The following PRKG1 variants were observed in gnomAD, a reference collection of about 807,000 sequenced individuals.
PRKG1 encodes cGMP-dependent protein kinase 1.
Under a neutral mutation model 88.1 loss-of-function variants are expected in PRKG1, and 35 were observed. The observed-to-expected ratio is 0.40, with a 90% CI of 0.30 to 0.53. PRKG1 has a LOEUF of 0.53. Among genes scored for constraint, PRKG1 ranks in the 20% least tolerant of loss-of-function variants. The pLI is 0.59. For synonymous variants in PRKG1, 303 were observed against 292.5 expected (o/e 1.04, Z -0.37); for missense variants, 540 against 839.8 (o/e 0.64, Z 4.41).
intron 5 of PRKG1, among the ~76,000 whole-genome samples, chr10:51,988,571 T>C (rs952275675): frequency 6.6e-6 from 1 of 152,082 alleles, no homozygotes; most frequent in African/African-American, 2.4e-5. Context: ...GTTTGAGGTA[T>C]CATTGTTTAA....
chr10:51,937,109 G>GA (rs746488939), intron 5 of PRKG1, among the ~76,000 whole-genome samples: 1 of 151,886 alleles, frequency 6.6e-6, no homozygotes, highest in Non-Finnish European at 1.5e-5. Context: ...GAAAATTACA[G>GA]AAACAAAGAT....
At chr10:51,085,400 A>G (rs745926210) in intron 1 of PRKG1, among the ~76,000 whole-genome samples, 2 of 152,174 alleles carry the variant, frequency 1.3e-5, no homozygotes, top group Non-Finnish European at 2.9e-5. Flanking sequence ...TGTGTTGACA[A>G]CTCATTATGT....
chr10:51,962,008 G>A (rs1843459336), intron 5 of PRKG1, among the ~76,000 whole-genome samples: 2 of 152,134 alleles, frequency 1.3e-5, no homozygotes, highest in East Asian at 1.9e-4. Flanking sequence ...AGAAATTGGG[G>A]TTTAAAAGCA....
intron 10 of PRKG1, among the ~76,000 whole-genome samples, chr10:52,268,099 G>T (rs1474918157): frequency 6.6e-6 from 1 of 152,022 alleles, no homozygotes; most frequent in Non-Finnish European, 1.5e-5. Context: ...TAGCATTCTG[G>T]TTTAAATTGG....
At chr10:51,745,923 C>G (rs576637816) in intron 3 of PRKG1, among the ~76,000 whole-genome samples, 3 of 152,318 alleles carry the variant, frequency 2.0e-5, no homozygotes, top group Non-Finnish European at 4.4e-5. Context: ...TAGCTCACTG[C>G]AGCATCGAAC....
At chr10:51,680,881 T>C (rs1484388605) in intron 3 of PRKG1, among the ~76,000 whole-genome samples, 2 of 152,204 alleles carry the variant, frequency 1.3e-5, no homozygotes, top group East Asian at 3.9e-4. Flanking sequence ...TAGACAAATG[T>C]TGGCTAAAAG....
intron 3 of PRKG1, among the ~76,000 whole-genome samples, chr10:51,511,937 T>A (rs1841424167): frequency 6.6e-6 from 1 of 152,204 alleles, no homozygotes; most frequent in South Asian, 2.1e-4. Context: ...ACTGAAATAC[T>A]GCACAGCAAT....
At chr10:51,941,223 T>TAAAATATTTGGAAAATG (rs1842900151) in intron 5 of PRKG1, among the ~76,000 whole-genome samples, 2 of 151,760 alleles carry the variant, frequency 1.3e-5, no homozygotes, top group East Asian at 3.9e-4. Context: ...TTAAACAAAT[T>TAAAATATTTGGAAAATG]TAAAATATTT....
At position 51,991,370 on chromosome 10, in the gene PRKG1, T is replaced by C. The variant is rs138914394; in HGVS notation, c.763-63114T>C. Among the ~76,000 whole-genome samples the C allele has an allele frequency of 2.5e-3, 379 of 152,202 alleles. 2 individuals are homozygous for C. The highest frequency in any genetic ancestry group is 8.5e-3 in the African/African-American group (352 of 41,574). ...TAAAAATGGTGAAAGTAGTCATCCT[T>C]GTCTTTTCCAGATTTTTTTTTTAAA... On this transcript the variant is annotated intron_variant, in intron 5 of 17. Transcript: ENST00000373980.
chr10:52,157,601 C>T lies in PRKG1; in HGVS notation c.1002-4288C>T, dbSNP rs1483473644. On this transcript the variant is annotated intron_variant, in intron 8 of 17. Coordinates refer to ENST00000373980, the MANE Select transcript of PRKG1 (RefSeq NM_006258.4). ...TTTTAATAACTAAACTTATTACCCA[C>T]TGAATTACGGTCATCCTTGACTTCT... Among the ~76,000 whole-genome samples, 4 of 151,522 alleles carry T rather than the reference C, an allele frequency of 2.6e-5. 1 individual carries two copies. Among genetic ancestry groups the T allele is most frequent in the Admixed American group, 1.3e-4 (2 of 15,168 alleles).
intron 9 of PRKG1, among the ~76,000 whole-genome samples, chr10:52,163,447 C>A (rs1838336614): frequency 6.6e-6 from 1 of 151,468 alleles, no homozygotes; most frequent in African/African-American, 2.4e-5. Flanking sequence ...CACGTACAAT[C>A]CAGTTAAGCA....
chr10:51,949,165 T>C (rs567257492), intron 5 of PRKG1, among the ~76,000 whole-genome samples: 3 of 152,274 alleles, frequency 2.0e-5, no homozygotes, highest in African/African-American at 7.2e-5. Context: ...ATATAAACAC[T>C]TAAGAAATAT....
At position 51,085,677 on chromosome 10, in the gene PRKG1, C is replaced by T. The variant is rs533445869; in HGVS notation, c.311+10776C>T. ...AGCAAATGGATTTTACTTAATGTAA[C>T]TTTTTTTTCAGTTCTGAATGTTAGA... On this transcript the variant is annotated intron_variant, in intron 1 of 17. Coordinates refer to ENST00000373980, the MANE Select transcript of PRKG1 (RefSeq NM_006258.4). Among the ~76,000 whole-genome samples, 18 of 151,580 alleles carry T rather than the reference C, an allele frequency of 1.2e-4. 1 individual carries two copies. The highest frequency in any genetic ancestry group is 4.1e-4 in the African/African-American group (17 of 41,364).
chr10:51,463,561 C>A (rs574050992), intron 2 of PRKG1, among the ~76,000 whole-genome samples: 25 of 152,298 alleles, frequency 1.6e-4, no homozygotes, highest in African/African-American at 5.5e-4. Context: ...TACCTTAATA[C>A]TTTAAAGGAA....
At chr10:51,137,466 G>A (rs942272809) in intron 1 of PRKG1, among the ~76,000 whole-genome samples, 2 of 152,158 alleles carry the variant, frequency 1.3e-5, no homozygotes, top group Admixed American at 6.6e-5. Context: ...CTGATGCCTA[G>A]TGTGGATTGA....
At chr10:51,722,489 A>C (rs1248980851) in intron 3 of PRKG1, among the ~76,000 whole-genome samples, 1 of 151,934 alleles carries the variant, frequency 6.6e-6, no homozygotes, top group Non-Finnish European at 1.5e-5. Flanking sequence ...GATACTTATT[A>C]AGTATCTACT....
intron 3 of PRKG1, among the ~76,000 whole-genome samples, chr10:51,652,436 G>A (rs1344923855): frequency 6.6e-6 from 1 of 151,994 alleles, no homozygotes; most frequent in Non-Finnish European, 1.5e-5. Flanking sequence ...AACAAGTTTA[G>A]CATCTCTTAA....
intron 2 of PRKG1, among the ~76,000 whole-genome samples, chr10:51,278,027 G>A (rs1432631388): frequency 1.3e-5 from 2 of 152,148 alleles, no homozygotes; most frequent in African/African-American, 2.4e-5. Context: ...TCCCTGTCTT[G>A]TGCCAGTTTT....
At chr10:51,027,021 T>C (rs1013829678) in intron 1 of PRKG1, among the ~76,000 whole-genome samples, 1 of 151,944 alleles carries the variant, frequency 6.6e-6, no homozygotes. Flanking sequence ...CCAAATCTCT[T>C]ACTCAGGACT....
Sources: allele counts gnomAD v4.1 joint callset (sites outside exome capture counted in the v4.1 genomes callset), GRCh38; gene constraint gnomAD v4.1.1; transcripts MANE v1.5; gene names NCBI Gene and HGNC (gene_info 2026-07-23, HGNC 2026-07-21).